Variants in MAN1C1 observed in about 807,000 individuals in gnomAD.
MAN1C1 encodes mannosidase alpha class 1C member 1.
MAN1C1 carries 49 observed loss-of-function variants against 71.5 expected under a neutral mutation model. The ratio of observed to expected loss-of-function variants is 0.69; its 90% CI spans 0.54 to 0.87. The LOEUF (loss-of-function observed/expected upper bound fraction) is 0.87. MAN1C1 is among the 40% of genes least tolerant of loss of function. MAN1C1 has a pLI of 0.00. For synonymous variants in MAN1C1, 352 were observed against 343.7 expected (o/e 1.02, Z -0.27); for missense variants, 743 against 835.0 (o/e 0.89, Z 1.36).
chr1:25,624,620 G>A (rs1572101484), intron 1 of MAN1C1, among the ~76,000 whole-genome samples: 1 of 152,214 alleles, frequency 6.6e-6, no homozygotes, highest in East Asian at 1.9e-4. Context: ...CTTGATAGAT[G>A]ATCAATAATT....
At chr1:25,659,782 A>G (rs2045820683) in intron 1 of MAN1C1, among the ~76,000 whole-genome samples, 1 of 152,212 alleles carries the variant, frequency 6.6e-6, no homozygotes, top group South Asian at 2.1e-4. Context: ...AATAATAGCC[A>G]TTCTTTAAAA....
At chr1:25,625,495 G>A (rs1393192019) in intron 1 of MAN1C1, among the ~76,000 whole-genome samples, 1 of 152,106 alleles carries the variant, frequency 6.6e-6, no homozygotes, top group Non-Finnish European at 1.5e-5. Flanking sequence ...GCTGAGATTA[G>A]TTTTGCCTGT....
chr1:25,644,449 T>A (rs1012648799), intron 1 of MAN1C1: 2 of 145,100 alleles, frequency 1.4e-5, no homozygotes, highest in African/African-American at 5.3e-5. Flanking sequence ...ATCTAATGGG[T>A]TGTTGGAAAT....
chr1:25,752,408 C>T (rs1303084238), intron 4 of MAN1C1, among the ~76,000 whole-genome samples: 1 of 152,154 alleles, frequency 6.6e-6, no homozygotes, highest in Non-Finnish European at 1.5e-5. Context: ...CTCAGGTGAT[C>T]CACCTGCTTC....
chr1:25,720,205 C>CTT (rs397862845), intron 2 of MAN1C1, among the ~76,000 whole-genome samples: 15 of 147,398 alleles, frequency 1.0e-4, no homozygotes, highest in African/African-American at 2.7e-4. Flanking sequence ...TATTCAAATC[C>CTT]TTTTTTTTTT....
At chr1:25,641,872 G>C (rs1012927605) in intron 1 of MAN1C1, among the ~76,000 whole-genome samples, 24 of 152,210 alleles carry the variant, frequency 1.6e-4, no homozygotes, top group Admixed American at 1.6e-3. Flanking sequence ...GATAAGCCAT[G>C]AATTTATTAA....
chr1:25,630,054 A>T (rs981291148), intron 1 of MAN1C1, among the ~76,000 whole-genome samples: 5 of 151,988 alleles, frequency 3.3e-5, no homozygotes, highest in Admixed American at 1.3e-4. Flanking sequence ...ACTCATCCTG[A>T]GTTTTTTTTG....
Position 25,688,963 on chromosome 1 carries a change from C to T in MAN1C1, c.637+2427C>T, listed in dbSNP as rs555988757. Among the ~76,000 whole-genome samples, 10 of 152,298 alleles carry T rather than the reference C, an allele frequency of 6.6e-5. No individual in the cohort carries two copies. The East Asian group carries it at 1.7e-3, about 26-fold the overall frequency. On this transcript the variant is annotated intron_variant, in intron 2 of 11. Transcript: ENST00000374332. Reference sequence around the variant, plus strand: ...GAGCCCTGTCATCCAGTACATGTAGCGTTCCTAGCAGTGAGGCAGAGCCTT... The same window carrying T: ...GAGCCCTGTCATCCAGTACATGTAGTGTTCCTAGCAGTGAGGCAGAGCCTT...
At chr1:25,727,013 C>T (rs902659101) in intron 2 of MAN1C1, among the ~76,000 whole-genome samples, 14 of 151,594 alleles carry the variant, frequency 9.2e-5, no homozygotes, top group African/African-American at 2.9e-4. Context: ...GCTGAAAGTG[C>T]GCCACTGCAT....
At chr1:25,684,340 A>C (rs768953492) in intron 1 of MAN1C1, among the ~76,000 whole-genome samples, 5 of 152,176 alleles carry the variant, frequency 3.3e-5, no homozygotes, top group Non-Finnish European at 5.9e-5. Context: ...ATAACAGAGG[A>C]ATGGAACCAG....
rs1188804092 is a variant in MAN1C1 at position 25,746,564 on chromosome 1, A to C, written c.638-104A>C. ...GTGCCTGAGGCCAGCCTTTGCCACC[A>C]AGCCTGCGCTGGCATTGGAGGGGCC... On this transcript the variant is annotated intron_variant, in intron 2 of 11. Transcript: ENST00000374332. This position sits in a 1 kb window ranked among gnomAD's most constrained non-coding sequence, Gnocchi z 4.0. 1.1e-6 allele frequency: 1 copy of C among 910,898 alleles called. No homozygotes were observed. The highest frequency in any genetic ancestry group is 2.6e-5 in the East Asian group (1 of 37,938). The allele number at this position is 910,898 out of a possible 1,614,324, so 56.4% of individuals were successfully genotyped here.
At position 25,746,895 on chromosome 1, in the gene MAN1C1, C is replaced by T; in HGVS notation, c.753+112C>T. 1.4e-6 allele frequency: 1 copy of T among 721,970 alleles called. No homozygotes were observed. Among genetic ancestry groups the T allele is most frequent in the South Asian group, 1.8e-5 (1 of 54,582 alleles). 44.7% of individuals were successfully genotyped at this position (721,970 alleles called of 1,614,324 possible). On this transcript the variant is annotated intron_variant, in intron 3 of 11. Transcript: ENST00000374332. The surrounding 1 kb of genome is among the most constrained non-coding windows in gnomAD (Gnocchi z 4.0). ...GAGATGTTGAGGGTCTCTCCCACGG[C>T]TGCACAGCCCAGCAGTCTCGGAACC... is the stretch of plus-strand genomic sequence containing the variant.
chr1:25,734,436 A>G lies in MAN1C1; in HGVS notation c.638-12232A>G, dbSNP rs186959312. 2.8e-4 allele frequency among the ~76,000 whole-genome samples: 42 copies of G among 152,352 alleles called. 1 individual carries two copies. In the East Asian group the frequency reaches 7.1e-3, roughly 26 times the overall value. Reference sequence around the variant, plus strand: ...GAGCCACTGCACCTGGCCCAATGATAGAGTTTTTAAAAGATGGATGTGAAA... The same window carrying G: ...GAGCCACTGCACCTGGCCCAATGATGGAGTTTTTAAAAGATGGATGTGAAA... On this transcript the variant is annotated intron_variant, in intron 2 of 11. Coordinates refer to ENST00000374332, the MANE Select transcript of MAN1C1 (RefSeq NM_020379.4).
At chr1:25,704,945 A>C (rs775447314) in intron 2 of MAN1C1, among the ~76,000 whole-genome samples, 52 of 152,348 alleles carry the variant, frequency 3.4e-4, no homozygotes, top group South Asian at 4.1e-4. Flanking sequence ...TCCAATGCAA[A>C]GCCTTAAAAT....
At chr1:25,665,778 G>A (rs2124115450) in intron 1 of MAN1C1, among the ~76,000 whole-genome samples, 1 of 149,312 alleles carries the variant, frequency 6.7e-6, no homozygotes, top group Admixed American at 6.7e-5. Flanking sequence ...TGGTGTCAGA[G>A]TTATCACCAG....
intron 1 of MAN1C1, among the ~76,000 whole-genome samples, chr1:25,619,884 C>T (rs2045179944): frequency 6.6e-6 from 1 of 152,212 alleles, no homozygotes; most frequent in African/African-American, 2.4e-5. Flanking sequence ...AGTGAAATTA[C>T]ATATAAATTG....
At position 25,634,537 on chromosome 1, in the gene MAN1C1, G is replaced by A. The variant is rs2045428689; in HGVS notation, c.540+16200G>A. On this transcript the variant is annotated intron_variant, in intron 1 of 11. Transcript: ENST00000374332. The surrounding 1 kb of genome is among the most constrained non-coding windows in gnomAD (Gnocchi z 4.6). ...AATTATATTTTTAAAAGAATGCTAG[G>A]CTGGACACATGGTGGCTCACACCTG... Among the ~76,000 whole-genome samples the A allele has an allele frequency of 6.6e-6, 1 of 152,006 alleles. No individual in the cohort carries two copies. The highest frequency in any genetic ancestry group is 1.5e-5 in the Non-Finnish European group (1 of 68,000).
chr1:25,700,070 G>C (rs1890174), intron 2 of MAN1C1, among the ~76,000 whole-genome samples: 7,120 of 152,304 alleles, frequency 0.047, 211 homozygotes, highest in Non-Finnish European at 0.069. Context: ...TAATACTCAA[G>C]TTTGTTTTTC....
In MAN1C1 at chr1:25,769,205, C is replaced by G. The variant is rs1012538439; in HGVS notation, c.1142-2452C>G. Among the ~76,000 whole-genome samples, 1 of 150,858 alleles carries G rather than the reference C, an allele frequency of 6.6e-6. No individual in the cohort carries two copies. The highest frequency in any genetic ancestry group is 1.5e-5 in the Non-Finnish European group (1 of 67,622). ...ACACACACTCGCCTCATGCACACAC[C>G]CCACACACTACACATAGTCCCCTCA... On this transcript the variant is annotated intron_variant, in intron 7 of 11. Coordinates refer to ENST00000374332, the MANE Select transcript of MAN1C1 (RefSeq NM_020379.4). The surrounding 1 kb of genome is among the most constrained non-coding windows in gnomAD (Gnocchi z 4.8).
Sources: gnomAD v4.1 joint callset for allele counts (sites outside exome capture counted in the v4.1 genomes callset) on GRCh38, gnomAD v4.1.1 for gene constraint, Gnocchi (gnomAD v3.1) non-coding constraint, MANE v1.5 for transcripts, NCBI Gene and HGNC (gene_info 2026-07-23, HGNC 2026-07-21) for gene names.